The following ARHGAP6 variants were observed in gnomAD, a reference collection of about 807,000 sequenced individuals.
ARHGAP6 encodes the protein rho GTPase-activating protein 6.
Under a neutral mutation model 55.7 loss-of-function variants are expected in ARHGAP6, and 16 were observed. The observed-to-expected ratio is 0.29, with a 90% CI of 0.19 to 0.44. The LOEUF (loss-of-function observed/expected upper bound fraction) is 0.44, where lower values mean the gene tolerates loss of function less well. Among genes scored for constraint, ARHGAP6 ranks in the 20% least tolerant of loss-of-function variants. The pLI, the probability that ARHGAP6 is intolerant of heterozygous loss-of-function variation, is 1.00. For missense variants in ARHGAP6, 698 were observed against 808.9 expected (o/e 0.86, Z 1.66); for synonymous variants, 382 against 360.9 (o/e 1.06, Z -0.66).
At chrX:11,231,291 A>G (rs1602924621) in intron 2 of ARHGAP6, among the ~76,000 whole-genome samples, 2 of 112,210 alleles carry the variant, frequency 1.8e-5, no homozygotes, top group Admixed American at 1.9e-4. Context: ...GCTGATATCA[A>G]GAGCATCATG....
Position 11,581,836 on chromosome X carries a change from A to AAAT in ARHGAP6, c.588+82402_588+82404dup, listed in dbSNP as rs760884049. ...TTTGGGGGGTCATCAAAATGTTCTAAAATTGATTGTGGTGATGGGTGCACA... is the reference window on the plus strand; with the variant it reads ...TTTGGGGGGTCATCAAAATGTTCTAAAATAATTGATTGTGGTGATGGGTGCACA... On this transcript the variant is annotated intron_variant, in intron 1 of 12. Coordinates refer to ENST00000337414, the MANE Select transcript of ARHGAP6 (RefSeq NM_013427.3). 2.2e-3 allele frequency among the ~76,000 whole-genome samples: 247 copies of AAAT among 110,873 alleles called. 2 individuals carry two copies. The highest frequency in any genetic ancestry group is 7.7e-3 in the African/African-American group (234 of 30,493).
At chrX:11,579,524 C>A (rs1299681672) in intron 1 of ARHGAP6, among the ~76,000 whole-genome samples, 1 of 111,751 alleles carries the variant, frequency 8.9e-6, no homozygotes, top group Non-Finnish European at 1.9e-5. Context: ...TAAAAGTTGC[C>A]AGAAATAACA....
At chrX:11,438,290 C>A (rs776843787) in intron 1 of ARHGAP6, among the ~76,000 whole-genome samples, 15 of 112,566 alleles carry the variant, frequency 1.3e-4, no homozygotes, top group African/African-American at 4.5e-4. Flanking sequence ...ATGGAACCAT[C>A]CATGACCGGG....
At chrX:11,554,747 C>A (rs909163673) in intron 1 of ARHGAP6, among the ~76,000 whole-genome samples, 1 of 111,773 alleles carries the variant, frequency 8.9e-6, no homozygotes, top group Non-Finnish European at 1.9e-5. Context: ...CAAAATTAAA[C>A]CTGAATCCAC....
In ARHGAP6 at chrX:11,539,441, C is replaced by G. The variant is rs182178828; in HGVS notation, c.588+124800G>C. ...TCCCCATAACAGCTTTGTTTCATTACTGTGATTTCAACTTAAAATTGTTCC... is the reference window on the plus strand; with the variant it reads ...TCCCCATAACAGCTTTGTTTCATTAGTGTGATTTCAACTTAAAATTGTTCC... On this transcript the variant is annotated intron_variant, in intron 1 of 12. Transcript: ENST00000337414. 2.4e-3 allele frequency among the ~76,000 whole-genome samples: 272 copies of G among 112,126 alleles called. 1 individual carries two copies. Among genetic ancestry groups the G allele is most frequent in the Admixed American group, 3.4e-3 (36 of 10,620 alleles).
At chrX:11,216,215 G>A (rs1438454821) in intron 2 of ARHGAP6, among the ~76,000 whole-genome samples, 3 of 104,127 alleles carry the variant, frequency 2.9e-5, no homozygotes, top group Non-Finnish European at 5.9e-5. Flanking sequence ...AAAAAAAAAA[G>A]GTGTGTCTTT....
chrX:11,566,346 C>T (rs5978441), intron 1 of ARHGAP6, among the ~76,000 whole-genome samples: 30,431 of 111,078 alleles, frequency 0.27, 3,205 homozygotes, highest in Middle Eastern at 0.38. Context: ...AATTAACAAA[C>T]CTGAAAGAAG....
At chrX:11,547,840 C>T (rs747912978) in intron 1 of ARHGAP6, among the ~76,000 whole-genome samples, 17 of 112,080 alleles carry the variant, frequency 1.5e-4, no homozygotes, top group Middle Eastern at 4.6e-3. Context: ...TAAATACCCC[C>T]TAAGGAATAC....
At chrX:11,596,243 TA>T (rs1323644343) in intron 1 of ARHGAP6, among the ~76,000 whole-genome samples, 1 of 111,709 alleles carries the variant, frequency 9.0e-6, no homozygotes, top group Non-Finnish European at 1.9e-5. Context: ...TATGCAGTCA[TA>T]AAAAAACGAT....
intron 1 of ARHGAP6, among the ~76,000 whole-genome samples, chrX:11,622,603 G>C (rs1300681128): frequency 9.0e-6 from 1 of 111,326 alleles, no homozygotes; most frequent in African/African-American, 3.3e-5. Flanking sequence ...TCACAAAAAT[G>C]ACTGATTACT....
chrX:11,416,904 G>C (rs942034519), intron 1 of ARHGAP6, among the ~76,000 whole-genome samples: 2 of 107,422 alleles, frequency 1.9e-5, no homozygotes, highest in Non-Finnish European at 3.8e-5. Context: ...TGCAAAGAGG[G>C]AGTGTGCCGC....
chrX:11,316,541 T>C (rs1485813743), intron 1 of ARHGAP6, among the ~76,000 whole-genome samples: 1 of 112,804 alleles, frequency 8.9e-6, no homozygotes, highest in Non-Finnish European at 1.9e-5. Context: ...ATTACCTACA[T>C]AGCTGTCACT....
intron 1 of ARHGAP6, among the ~76,000 whole-genome samples, chrX:11,469,382 G>A (rs755981384): frequency 5.3e-5 from 6 of 112,241 alleles, no homozygotes; most frequent in South Asian, 3.7e-4. Flanking sequence ...TTGAACTGAC[G>A]TATTCTGTAC....
chrX:11,572,908 G>T (rs765282915), intron 1 of ARHGAP6, among the ~76,000 whole-genome samples: 1 of 112,078 alleles, frequency 8.9e-6, no homozygotes, highest in East Asian at 2.8e-4. Context: ...GTATCTCATT[G>T]TGGTTTTGAT....
At chrX:11,462,537 G>A (rs753021902) in intron 1 of ARHGAP6, among the ~76,000 whole-genome samples, 4 of 112,093 alleles carry the variant, frequency 3.6e-5, no homozygotes, top group African/African-American at 6.5e-5. Flanking sequence ...ACATAGCAGC[G>A]ATTTTGTAGT....
chrX:11,453,003 AGCATTTATTAAAG>A (rs1219283248), intron 1 of ARHGAP6, among the ~76,000 whole-genome samples: 1 of 110,343 alleles, frequency 9.1e-6, no homozygotes, highest in Admixed American at 9.9e-5. Context: ...ATTTATTAAA[AGCATTTATTAAAG>A]GCATTTATTA....
chrX:11,391,033 T>C (rs1416009031), intron 1 of ARHGAP6, among the ~76,000 whole-genome samples: 2 of 112,144 alleles, frequency 1.8e-5, no homozygotes, highest in African/African-American at 6.5e-5. Context: ...ATTGTGGCAC[T>C]ATTCACAATA....
At position 11,659,480 on chromosome X, in the gene ARHGAP6, C is replaced by T. The variant is rs183428851; in HGVS notation, c.588+4761G>A. 3.6e-3 allele frequency among the ~76,000 whole-genome samples: 403 copies of T among 111,283 alleles called. 5 individuals are homozygous for T. The highest frequency in any genetic ancestry group is 0.031 in the Admixed American group (322 of 10,453). On this transcript the variant is annotated intron_variant, in intron 1 of 12. Coordinates refer to ENST00000337414, the MANE Select transcript of ARHGAP6 (RefSeq NM_013427.3). ...GCATCCCTGGCCTCCCACTAGATGCCGGTAGGAACTCCCCTGTGGTAGACA... is the reference window on the plus strand; with the variant it reads ...GCATCCCTGGCCTCCCACTAGATGCTGGTAGGAACTCCCCTGTGGTAGACA...
intron 1 of ARHGAP6, among the ~76,000 whole-genome samples, chrX:11,606,115 A>G (rs2052033604): frequency 8.9e-6 from 1 of 111,902 alleles, no homozygotes; most frequent in Admixed American, 9.5e-5. Context: ...GAAGATTTTC[A>G]GGATGATTTT....
Sources: allele counts gnomAD v4.1 joint callset (sites outside exome capture counted in the v4.1 genomes callset), GRCh38; gene constraint gnomAD v4.1.1; transcripts MANE v1.5; gene names NCBI Gene and HGNC (gene_info 2026-07-23, HGNC 2026-07-21).